Variants in TEAD1 observed in about 807,000 individuals in gnomAD.
The protein encoded by TEAD1 is TEA domain transcription factor 1.
In TEAD1, 9 loss-of-function variants were observed where a neutral mutation model predicts 54.9. That is an observed-to-expected ratio of 0.16 (90% CI 0.10 to 0.29). The LOEUF (loss-of-function observed/expected upper bound fraction) is 0.29, where lower values mean the gene tolerates loss of function less well. TEAD1 is among the 10% of genes least tolerant of loss of function. TEAD1 has a pLI of 1.00. For missense variants in TEAD1, 387 were observed against 535.9 expected, an observed-to-expected ratio of 0.72 and a Z score of 2.74; for synonymous variants, 200 against 187.8, an observed-to-expected ratio of 1.07 and a Z score of -0.53.
At chr11:12,884,098 C>A (rs1246884932) in intron 9 of TEAD1, among the ~76,000 whole-genome samples, 1 of 152,032 alleles carries the variant, frequency 6.6e-6, no homozygotes, top group Non-Finnish European at 1.5e-5. Flanking sequence ...GGCATCTGGA[C>A]TCTATTTGTC....
chr11:12,811,155 G>C (rs1466166506), intron 3 of TEAD1, among the ~76,000 whole-genome samples: 2 of 152,232 alleles, frequency 1.3e-5, no homozygotes, highest in Non-Finnish European at 2.9e-5. Context: ...GTCACATCCA[G>C]TGAGATAGAG....
chr11:12,907,378 A>G (rs889577295), intron 10 of TEAD1, among the ~76,000 whole-genome samples: 3 of 152,294 alleles, frequency 2.0e-5, no homozygotes. Context: ...GTGTTTTAAC[A>G]ATTTTTCAGT....
intron 12 of TEAD1, among the ~76,000 whole-genome samples, chr11:12,930,676 CTG>C (rs1948996642): frequency 1.3e-5 from 2 of 152,140 alleles, no homozygotes; most frequent in South Asian, 4.1e-4. Flanking sequence ...AAATCAGGAT[CTG>C]TGAGAACAGG....
Position 12,837,679 on chromosome 11 carries a change from T to TCCTTCTC in TEAD1, c.203-24570_203-24569insCTTCTCC, listed in dbSNP as rs1554940143. The stretch of plus-strand genomic sequence containing the variant: ...TCTCTCCTTCTTCTTCCTTCTTCCT[T>TCCTTCTC]CTTTCTCCCTTCTCCCTTCTCCCTT... On this transcript the variant is annotated intron_variant, in intron 3 of 12. Transcript: ENST00000527636. Among the ~76,000 whole-genome samples the TCCTTCTC allele has an allele frequency of 3.7e-4, 54 of 147,842 alleles. 2 individuals carry two copies. The highest frequency in any genetic ancestry group is 1.4e-3 in the African/African-American group (54 of 38,984).
chr11:12,940,389 T>C lies in TEAD1; in HGVS notation c.*3167T>C, dbSNP rs548561693. ...GCGTGTCTCCAGATATTGTCAAATATCCCATCGGGTGCAAAATGATCCCTG... is the reference window on the plus strand; with the variant it reads ...GCGTGTCTCCAGATATTGTCAAATACCCCATCGGGTGCAAAATGATCCCTG... On this transcript the variant is annotated 3_prime_UTR_variant, in exon 13 of 13. Coordinates refer to ENST00000527636, the MANE Select transcript of TEAD1 (RefSeq NM_021961.6). 6.6e-6 allele frequency: 1 copy of C among 152,292 alleles called. No homozygotes were observed. The highest frequency in any genetic ancestry group is 6.5e-5 in the Admixed American group (1 of 15,298). The allele number at this position is 152,292 out of a possible 1,614,324, so 9.4% of individuals were successfully genotyped here.
chr11:12,908,490 T>C lies in TEAD1; in HGVS notation c.873+6377T>C, dbSNP rs150594532. On this transcript the variant is annotated intron_variant, in intron 10 of 12. Transcript: ENST00000527636. The stretch of plus-strand genomic sequence containing the variant: ...GCCATGCTTCCTGTCTTGGGGACCT[T>C]TGAGTGTAATAAATTTTTTTCCTGA... Among the ~76,000 whole-genome samples the C allele has an allele frequency of 3.4e-4, 52 of 152,262 alleles. 1 individual carries two copies. Among genetic ancestry groups the C allele is most frequent in the African/African-American group, 1.2e-3 (49 of 41,548 alleles).
At chr11:12,718,549 G>A (rs867498867) in intron 2 of TEAD1, among the ~76,000 whole-genome samples, 8 of 151,018 alleles carry the variant, frequency 5.3e-5, no homozygotes, top group South Asian at 4.2e-4. Context: ...CAGAATCCTG[G>A]TTTTTCCATA....
At chr11:12,823,674 G>A (rs985162771) in intron 3 of TEAD1, 5 of 152,214 alleles carry the variant, frequency 3.3e-5, no homozygotes, top group African/African-American at 4.8e-5. Context: ...GATGGGAAAA[G>A]GTGCAAAGCT....
chr11:12,909,922 G>T (rs1425875130), intron 10 of TEAD1, among the ~76,000 whole-genome samples: 1 of 152,128 alleles, frequency 6.6e-6, no homozygotes, highest in Admixed American at 6.5e-5. Flanking sequence ...TATAAATGAG[G>T]CAAGTACTTG....
intron 3 of TEAD1, among the ~76,000 whole-genome samples, chr11:12,794,463 G>A (rs1415549774): frequency 6.6e-6 from 1 of 152,210 alleles, no homozygotes; most frequent in Non-Finnish European, 1.5e-5. Context: ...TCATGGTGTT[G>A]ATGGATTTTG....
At chr11:12,908,896 T>TTTTTTTTTTTTTTTTTA (rs1948569869) in intron 10 of TEAD1, among the ~76,000 whole-genome samples, 2 of 136,022 alleles carry the variant, frequency 1.5e-5, no homozygotes, top group African/African-American at 5.0e-5. Flanking sequence ...TTTTTTTTTT[T>TTTTTTTTTTTTTTTTTA]GAGACAGTGT....
chr11:12,803,986 T>C (rs1016656203), intron 3 of TEAD1, among the ~76,000 whole-genome samples: 1 of 152,212 alleles, frequency 6.6e-6, no homozygotes, highest in African/African-American at 2.4e-5. Flanking sequence ...AGGAGGTTAG[T>C]TAGAATTTGG....
At chr11:12,836,189 G>C (rs888183972) in intron 3 of TEAD1, among the ~76,000 whole-genome samples, 3 of 152,170 alleles carry the variant, frequency 2.0e-5, no homozygotes, top group Admixed American at 2.0e-4. Context: ...AGGAGGCCGA[G>C]GTGGGTGGAT....
chr11:12,888,864 C>T (rs772533768), intron 9 of TEAD1, among the ~76,000 whole-genome samples: 3 of 152,168 alleles, frequency 2.0e-5, no homozygotes, highest in East Asian at 3.8e-4. Context: ...AAAGGCTATA[C>T]GGTCCATTTG....
intron 3 of TEAD1, among the ~76,000 whole-genome samples, chr11:12,772,089 A>AGTG (rs1326094625): frequency 2.0e-5 from 3 of 152,196 alleles, no homozygotes; most frequent in Non-Finnish European, 4.4e-5. Context: ...AGTGATAAAC[A>AGTG]AGTGAGCAGA....
intron 3 of TEAD1, among the ~76,000 whole-genome samples, chr11:12,851,307 A>G (rs947687891): frequency 2.6e-5 from 4 of 152,228 alleles, no homozygotes; most frequent in Non-Finnish European, 4.4e-5. Flanking sequence ...TAGAGGTCTA[A>G]TGTACAACAT....
chr11:12,675,135 C>T (rs1292664062), intron 1 of TEAD1, among the ~76,000 whole-genome samples: 2 of 148,992 alleles, frequency 1.3e-5, no homozygotes, highest in African/African-American at 2.4e-5. Flanking sequence ...CGCGCCCCCT[C>T]TCCCGCCGCC....
At chr11:12,864,031 A>G (rs1173582832) in intron 4 of TEAD1, among the ~76,000 whole-genome samples, 1 of 151,396 alleles carries the variant, frequency 6.6e-6, no homozygotes, top group Non-Finnish European at 1.5e-5. Context: ...CGCCCAGTCA[A>G]TACCCAAAAG....
chr11:12,794,310 C>T (rs150206964), intron 3 of TEAD1, among the ~76,000 whole-genome samples: 13 of 152,296 alleles, frequency 8.5e-5, no homozygotes, highest in African/African-American at 2.6e-4. Flanking sequence ...TCCTCATTAG[C>T]GTGATAGTCT....
Sources: allele counts gnomAD v4.1 joint callset (sites outside exome capture counted in the v4.1 genomes callset), GRCh38; gene constraint gnomAD v4.1.1; transcripts MANE v1.5; gene names NCBI Gene and HGNC (gene_info 2026-07-23, HGNC 2026-07-21).